Variants in TBC1D5 observed in about 807,000 individuals in gnomAD.
The protein encoded by TBC1D5 is TBC1 domain family, member 5.
Under a neutral mutation model 100.3 loss-of-function variants are expected in TBC1D5, and 75 were observed. The observed-to-expected ratio is 0.75, with a 90% CI of 0.62 to 0.91. The LOEUF is 0.91. TBC1D5 is among the 40% of genes least tolerant of loss of function. The probability of loss-of-function intolerance (pLI) is 0.00; values close to 1 mark genes in which losing one functional copy is unlikely to be tolerated. For missense variants in TBC1D5, 910 were observed against 942.4 expected (o/e 0.97, Z 0.45); for synonymous variants, 323 against 325.6 (o/e 0.99, Z 0.09).
intron 13 of TBC1D5, among the ~76,000 whole-genome samples, chr3:17,341,488 G>A (rs999495935): frequency 6.6e-6 from 1 of 152,076 alleles, no homozygotes; most frequent in African/African-American, 2.4e-5. Flanking sequence ...GAGGTACCGC[G>A]CCTGGCCTAA....
intron 2 of TBC1D5, among the ~76,000 whole-genome samples, chr3:17,597,147 T>C (rs1273716816): frequency 1.3e-5 from 2 of 152,208 alleles, no homozygotes; most frequent in Admixed American, 6.5e-5. Flanking sequence ...CTTGTATTCT[T>C]CTAAAAACAA....
Position 17,376,628 on chromosome 3 carries a change from C to T in TBC1D5, c.613-15G>A. On this transcript the variant is annotated splice_polypyrimidine_tract_variant and intron_variant, in intron 9 of 21. Coordinates refer to ENST00000253692, the Ensembl canonical transcript of TBC1D5. ...TCGTGCATGCCCTGAAATAAAAGAG[C>T]CAGAAAAATGAAAGAGATGGATACT... 1 of 1,605,910 alleles carries T rather than the reference C, an allele frequency of 6.2e-7. No individual in the cohort carries two copies. The highest frequency in any genetic ancestry group is 8.5e-7 in the Non-Finnish European group (1 of 1,176,212).
intron 4 of TBC1D5, among the ~76,000 whole-genome samples, chr3:17,426,049 C>T (rs17273048): frequency 6.6e-6 from 1 of 151,848 alleles, no homozygotes; most frequent in African/African-American, 2.4e-5. Context: ...TTCAGGCCTG[C>T]GTTGTCGAAT....
At chr3:17,705,089 C>T (rs1334660964) in intron 1 of TBC1D5, among the ~76,000 whole-genome samples, 1 of 121,488 alleles carries the variant, frequency 8.2e-6, no homozygotes, top group Non-Finnish European at 1.8e-5. Context: ...CACGGCTGGC[C>T]AGGCGGGGGG....
chr3:17,581,896 G>C (rs545753669), intron 2 of TBC1D5, among the ~76,000 whole-genome samples: 24 of 152,304 alleles, frequency 1.6e-4, no homozygotes, highest in Middle Eastern at 6.8e-3. Flanking sequence ...AGGCTGTTCT[G>C]TGAATGCATC....
chr3:17,230,587 G>GT (rs1344709773), intron 17 of TBC1D5, among the ~76,000 whole-genome samples: 3 of 151,268 alleles, frequency 2.0e-5, no homozygotes, highest in South Asian at 2.1e-4. Context: ...TGGACAGGAA[G>GT]TTTTTTTTTA....
chr3:17,575,707 C>A (rs2096653452), intron 2 of TBC1D5, among the ~76,000 whole-genome samples: 1 of 152,062 alleles, frequency 6.6e-6, no homozygotes, highest in East Asian at 1.9e-4. Flanking sequence ...ACTTTTCTTG[C>A]AAGGTCTGTA....
chr3:17,638,666 C>A (rs1292405404), intron 1 of TBC1D5, among the ~76,000 whole-genome samples: 2 of 152,118 alleles, frequency 1.3e-5, no homozygotes, highest in Non-Finnish European at 2.9e-5. Context: ...AATAATGCAA[C>A]TCTACATTTT....
Position 17,619,580 on chromosome 3 carries a change from C to T in TBC1D5, c.-36+4269G>A, listed in dbSNP as rs80175486. ...AAAATTCAATGTTTCTCATATCATA[C>T]ATAAAAATAAACTGCAAATGGATCA... On this transcript the variant is annotated intron_variant, in intron 2 of 21. Transcript: ENST00000253692. Among the ~76,000 whole-genome samples the T allele has an allele frequency of 2.5e-3, 387 of 152,214 alleles. 1 individual carries two copies. Among genetic ancestry groups the T allele is most frequent in the Middle Eastern group, 6.8e-3 (2 of 294 alleles).
chr3:17,494,025 T>C (rs1318233822), intron 3 of TBC1D5, among the ~76,000 whole-genome samples: 2 of 152,176 alleles, frequency 1.3e-5, no homozygotes, highest in African/African-American at 2.4e-5. Flanking sequence ...TTTCAGCGTT[T>C]TTGCGCTTAT....
In TBC1D5 at chr3:17,238,427, AAAAAG is replaced by A. The variant is rs2076051157; in HGVS notation, c.1332-13_1332-9del. The A allele has an allele frequency of 6.2e-7, 1 of 1,602,704 alleles. No individual in the cohort carries two copies. The highest frequency in any genetic ancestry group is 1.7e-5 in the Admixed American group (1 of 58,358). ...GCACCTTTGGCATTGGTCCTGTTAA[AAAAAG>A]AAATGGAGAAGCATTATTTACATTA... is the stretch of plus-strand genomic sequence containing the variant. On this transcript the variant is annotated splice_polypyrimidine_tract_variant and intron_variant, in intron 16 of 21. Transcript: ENST00000253692.
chr3:17,676,467 G>A (rs1237206195), intron 1 of TBC1D5, among the ~76,000 whole-genome samples: 1 of 152,050 alleles, frequency 6.6e-6, no homozygotes, highest in East Asian at 1.9e-4. Context: ...CTTCTTCAAG[G>A]AGAACTACAA....
chr3:17,181,221 T>C (rs1206173108), intron 19 of TBC1D5, among the ~76,000 whole-genome samples: 2 of 152,204 alleles, frequency 1.3e-5, no homozygotes, highest in East Asian at 3.8e-4. Context: ...AGCATCGTTT[T>C]GCATCATTTG....
intron 8 of TBC1D5, among the ~76,000 whole-genome samples, chr3:17,395,069 A>G (rs2093463025): frequency 6.6e-6 from 1 of 152,090 alleles, no homozygotes; most frequent in Non-Finnish European, 1.5e-5. Flanking sequence ...CATACAGTTG[A>G]GAAGATTAAG....
At chr3:17,180,540 G>A (rs1434210089) in intron 19 of TBC1D5, among the ~76,000 whole-genome samples, 1 of 152,104 alleles carries the variant, frequency 6.6e-6, no homozygotes, top group Non-Finnish European at 1.5e-5. Flanking sequence ...GGCATTGGAT[G>A]GATGACTGGA....
At chr3:17,441,120 A>C (rs1322244757) in intron 3 of TBC1D5, among the ~76,000 whole-genome samples, 1 of 152,198 alleles carries the variant, frequency 6.6e-6, no homozygotes, top group Non-Finnish European at 1.5e-5. Flanking sequence ...GACCATCTTA[A>C]GTGTGGAAAT....
chr3:17,501,217 A>C (rs2095784453), intron 3 of TBC1D5, among the ~76,000 whole-genome samples: 1 of 149,082 alleles, frequency 6.7e-6, no homozygotes. Context: ...TTTATTAGTT[A>C]CTTCAAACCA....
intron 18 of TBC1D5, among the ~76,000 whole-genome samples, chr3:17,205,998 A>G (rs1489358439): frequency 6.6e-6 from 1 of 152,164 alleles, no homozygotes; most frequent in African/African-American, 2.4e-5. Context: ...ATTTTTACCC[A>G]AAGCAACTTG....
chr3:17,292,119 T>C (rs947201818), intron 14 of TBC1D5, 118 bp from the exon 15 acceptor site: 1 of 830,202 alleles, frequency 1.2e-6, no homozygotes, highest in Non-Finnish European at 1.8e-6. Context: ...CTCAACTGAT[T>C]TGATAAAAGG....
Sources: allele counts gnomAD v4.1 joint callset (sites outside exome capture counted in the v4.1 genomes callset), GRCh38; gene constraint gnomAD v4.1.1; transcripts MANE v1.5; gene names NCBI Gene and HGNC (gene_info 2026-07-23, HGNC 2026-07-21).